PCNX1: variants seen among roughly 807,000 people sequenced by gnomAD.
PCNX1 encodes pecanex-like protein 1.
A neutral mutation model predicts 242.2 loss-of-function variants in PCNX1; 78 were observed. That is an observed-to-expected ratio of 0.32 (90% confidence interval 0.27 to 0.39). The LOEUF (loss-of-function observed/expected upper bound fraction) is 0.39. PCNX1 is among the 10% of genes least tolerant of loss of function. PCNX1 has a pLI of 1.00. For synonymous variants in PCNX1, 1,024 were observed against 1,032.9 expected (o/e 0.99, Z 0.17); for missense variants, 2,581 against 2,856.5 (o/e 0.90, Z 2.20).
At chr14:71,080,955 A>G (rs1235935472) in intron 28 of PCNX1, among the ~76,000 whole-genome samples, 1 of 152,190 alleles carries the variant, frequency 6.6e-6, no homozygotes, top group Non-Finnish European at 1.5e-5. Flanking sequence ...CCGGTTTTCA[A>G]AGGGAATGCT....
chr14:71,065,802 G>GA (rs1427437286), intron 26 of PCNX1, among the ~76,000 whole-genome samples: 2 of 152,148 alleles, frequency 1.3e-5, no homozygotes, highest in African/African-American at 4.8e-5. Context: ...AAGGTGTAAG[G>GA]AAGGGGTCCA....
chr14:71,018,466 T>TA (rs1162014819), intron 11 of PCNX1, among the ~76,000 whole-genome samples: 1 of 152,188 alleles, frequency 6.6e-6, no homozygotes, highest in African/African-American at 2.4e-5. Context: ...AGTTTCAAGA[T>TA]ATGTAAGAGC....
chr14:71,059,257 C>T (rs1002793997), intron 26 of PCNX1, among the ~76,000 whole-genome samples: 3 of 152,054 alleles, frequency 2.0e-5, no homozygotes, highest in Non-Finnish European at 4.4e-5. Context: ...TTGGATAAAT[C>T]TTTTGCTATC....
chr14:70,923,127 C>G (rs1273691414), intron 1 of PCNX1, among the ~76,000 whole-genome samples: 6 of 151,820 alleles, frequency 4.0e-5, no homozygotes, highest in Admixed American at 3.9e-4. Context: ...CTTTTAACTG[C>G]CTTTTGTATA....
At chr14:71,053,039 A>G (rs1175425687) in intron 24 of PCNX1, among the ~76,000 whole-genome samples, 1 of 152,208 alleles carries the variant, frequency 6.6e-6, no homozygotes, top group African/African-American at 2.4e-5. Flanking sequence ...AAATTGGCAT[A>G]TTTAATAGGT....
chr14:71,045,006 G>A, intron 19 of PCNX1, 127 bp from the exon 20 acceptor site: 1 of 645,066 alleles, frequency 1.6e-6, no homozygotes, highest in Non-Finnish European at 2.6e-6. Context: ...GTAGAAAAAT[G>A]TTTAGTTCTT....
chr14:71,051,810 T>C, intron 23 of PCNX1, 73 bp from the exon 24 acceptor site: 1 of 1,453,490 alleles, frequency 6.9e-7, no homozygotes, highest in Non-Finnish European at 9.4e-7. Context: ...ATGTGTCTGC[T>C]AGGTTTTTGC....
At chr14:70,964,499 A>G (rs2058319380) in intron 3 of PCNX1, among the ~76,000 whole-genome samples, 1 of 152,202 alleles carries the variant, frequency 6.6e-6, no homozygotes, top group Admixed American at 6.5e-5. Flanking sequence ...TCAATTCTTG[A>G]ATATGGCTGC....
chr14:71,019,266 T>C (rs2060034579), intron 12 of PCNX1, 104 bp downstream of exon 12: 1 of 880,046 alleles, frequency 1.1e-6, no homozygotes, highest in Non-Finnish European at 1.7e-6. Flanking sequence ...ATTTTTAGGC[T>C]TACTTTTCTT....
intron 1 of PCNX1, among the ~76,000 whole-genome samples, chr14:70,920,892 G>A (rs760314791): frequency 1.4e-4 from 21 of 152,116 alleles, no homozygotes; most frequent in Admixed American, 2.6e-4. Flanking sequence ...GCTGTGGTAG[G>A]CCTTATGGTG....
intron 30 of PCNX1, among the ~76,000 whole-genome samples, chr14:71,091,509 CT>C (rs1566795291): frequency 6.6e-6 from 1 of 152,080 alleles, no homozygotes; most frequent in African/African-American, 2.4e-5. Flanking sequence ...GTATTGGAAA[CT>C]TTTTTGGAAA....
intron 24 of PCNX1, among the ~76,000 whole-genome samples, chr14:71,052,459 C>T (rs1209536032): frequency 3.3e-5 from 5 of 152,062 alleles, no homozygotes; most frequent in African/African-American, 9.7e-5. Flanking sequence ...GTGACCCACC[C>T]GCCTCAGCCT....
chr14:70,973,936 A>G (rs1393817197), intron 5 of PCNX1, among the ~76,000 whole-genome samples: 1 of 151,802 alleles, frequency 6.6e-6, no homozygotes, highest in Non-Finnish European at 1.5e-5. Flanking sequence ...CATTTTCATT[A>G]CTCCAGTAAG....
At chr14:70,930,871 T>G (rs1337788992) in intron 1 of PCNX1, among the ~76,000 whole-genome samples, 4 of 152,106 alleles carry the variant, frequency 2.6e-5, no homozygotes, top group African/African-American at 4.8e-5. Context: ...AAAGGAGACT[T>G]CTAACTGGAA....
At chr14:70,909,742 C>G (rs1343863913) in intron 1 of PCNX1, among the ~76,000 whole-genome samples, 1 of 152,056 alleles carries the variant, frequency 6.6e-6, no homozygotes, top group East Asian at 1.9e-4. Context: ...ACTGAATTCT[C>G]ACATATTTGA....
chr14:71,054,104 G>A (rs117721821), intron 24 of PCNX1, among the ~76,000 whole-genome samples: 2,044 of 152,292 alleles, frequency 0.013, 13 homozygotes, highest in Middle Eastern at 0.034. Flanking sequence ...TATTCTAATA[G>A]CCTTTTAAGA....
chr14:70,912,506 A>G (rs968812522), intron 1 of PCNX1, among the ~76,000 whole-genome samples: 3 of 151,994 alleles, frequency 2.0e-5, no homozygotes, highest in African/African-American at 7.3e-5. Flanking sequence ...CAGGCATCCC[A>G]AAAGTATCAT....
At chr14:70,984,830 T>C (rs1458249144) in intron 6 of PCNX1, among the ~76,000 whole-genome samples, 1 of 152,234 alleles carries the variant, frequency 6.6e-6, no homozygotes, top group East Asian at 1.9e-4. Flanking sequence ...AGTATATTAG[T>C]GCCTTTAATG....
intron 24 of PCNX1, 148 bp downstream of exon 24, chr14:71,052,160 T>G (rs2061054875): frequency 1.6e-6 from 1 of 611,654 alleles, no homozygotes; most frequent in African/African-American, 1.9e-5. Flanking sequence ...TCTTAAAATT[T>G]GAAAAGTATA....
Sources: gnomAD v4.1 joint callset for allele counts (sites outside exome capture counted in the v4.1 genomes callset) on GRCh38, gnomAD v4.1.1 for gene constraint, MANE v1.5 for transcripts, NCBI Gene and HGNC (gene_info 2026-07-23, HGNC 2026-07-21) for gene names.